CREBBP: variants seen among roughly 807,000 people sequenced by gnomAD.
CREBBP encodes CREB binding lysine acetyltransferase, also known as CREB-binding protein.
Under a neutral mutation model 265.0 loss-of-function variants are expected in CREBBP, and 19 were observed. The observed-to-expected ratio is 0.07, with a 90% CI of 0.05 to 0.11. The LOEUF (loss-of-function observed/expected upper bound fraction) is 0.11. Ranked by LOEUF, CREBBP falls within the 10% of genes least tolerant of loss-of-function variation. The pLI is 1.00. For missense variants in CREBBP, 2,525 were observed against 3,219.0 expected, an observed-to-expected ratio of 0.78 and a Z score of 5.22; for synonymous variants, 1,457 against 1,223.7, an observed-to-expected ratio of 1.19 and a Z score of -3.98.
intron 11 of CREBBP, among the ~76,000 whole-genome samples, chr16:3,775,798 G>C (rs912952791): frequency 2.0e-5 from 3 of 152,202 alleles, no homozygotes; most frequent in African/African-American, 2.4e-5. Context: ...CTGGTAAACA[G>C]CAGGGGCATC....
chr16:3,761,775 A>G (rs2151390998), intron 16 of CREBBP, among the ~76,000 whole-genome samples: 1 of 152,344 alleles, frequency 6.6e-6, no homozygotes, highest in Middle Eastern at 3.4e-3. Context: ...GGAAACACAC[A>G]GCCTTGCTTC....
chr16:3,767,360 C>T (rs1323346722), intron 16 of CREBBP: 3 of 296,604 alleles, frequency 1.0e-5, no homozygotes, highest in Non-Finnish European at 1.9e-5. Flanking sequence ...TATTCTCCTA[C>T]TCACATACAT....
chr16:3,761,471 AG>A (rs1431794050), intron 16 of CREBBP: 2 of 501,848 alleles, frequency 4.0e-6, no homozygotes, highest in Non-Finnish European at 7.9e-6. Flanking sequence ...AAAAGTTGGA[AG>A]GAAAAACCCA....
chr16:3,785,602 A>T (rs1019136568), intron 5 of CREBBP, among the ~76,000 whole-genome samples: 4 of 152,208 alleles, frequency 2.6e-5, no homozygotes. Context: ...CGGCCAGCAC[A>T]TCGTGGGCCC....
chr16:3,768,093 T>G (rs1045225457), intron 15 of CREBBP, among the ~76,000 whole-genome samples, 184 bp from the exon 16 acceptor site: 8 of 149,726 alleles, frequency 5.3e-5, no homozygotes, highest in African/African-American at 2.0e-4. Context: ...ATTAAGTCGC[T>G]TCAGCACAGA....
At chr16:3,751,656 T>C (rs1239233298) in intron 20 of CREBBP, 70 bp downstream of exon 20, 12 of 1,460,156 alleles carry the variant, frequency 8.2e-6, no homozygotes, top group Admixed American at 3.3e-5. Flanking sequence ...CTTATAGTCA[T>C]TGGTAAGAGG....
chr16:3,808,739 G>C (rs1002247368), intron 3 of CREBBP, among the ~76,000 whole-genome samples: 4 of 152,190 alleles, frequency 2.6e-5, no homozygotes, highest in Admixed American at 2.0e-4. Flanking sequence ...GTTAGGTCAG[G>C]GTTTCCCTGA....
At chr16:3,843,326 T>C (rs1247376993) in intron 2 of CREBBP, among the ~76,000 whole-genome samples, 2 of 152,026 alleles carry the variant, frequency 1.3e-5, no homozygotes, top group Admixed American at 6.6e-5. Context: ...TCAAAGCAAA[T>C]TTAGACTTTA....
At chr16:3,771,618 A>G (rs2053011077) in intron 13 of CREBBP, among the ~76,000 whole-genome samples, 1 of 151,938 alleles carries the variant, frequency 6.6e-6, no homozygotes, top group Non-Finnish European at 1.5e-5. Context: ...TGCGGATAGT[A>G]CTGAACCCAA....
In CREBBP at chr16:3,778,033, C is replaced by T. The variant is rs2053186548; in HGVS notation, c.2091G>A (p.Gln697=). The change falls in exon 10 of 31, where the codon CAG becomes CAA. Residue 697 remains glutamine, a synonymous_variant. Transcript: ENST00000262367. ...TACTTGGAGGTCTCACAGGTTGTGC[C>T]TGTGGAATCACAGGGGGCTGAGCCC... ...APGAQPPVIP[Q]AQPVRPPNGP... is the part of the protein sequence containing the mutation. The T allele has an allele frequency of 6.2e-7, 1 of 1,614,202 alleles. No homozygotes were observed. Among genetic ancestry groups the T allele is most frequent in the Non-Finnish European group, 8.5e-7 (1 of 1,179,996 alleles).
chr16:3,875,635 T>C (rs774024886), intron 1 of CREBBP, among the ~76,000 whole-genome samples: 4 of 152,166 alleles, frequency 2.6e-5, no homozygotes, highest in Non-Finnish European at 4.4e-5. Flanking sequence ...GGTTCCTGGG[T>C]CGATTCAAGT....
intron 2 of CREBBP, among the ~76,000 whole-genome samples, chr16:3,844,966 A>C (rs2054635829): frequency 1.3e-5 from 2 of 152,228 alleles, no homozygotes; most frequent in South Asian, 4.1e-4. Flanking sequence ...TTATATGTAT[A>C]AGAAGACTCA....
At position 3,728,322 on chromosome 16, in the gene CREBBP, G is replaced by A. The variant is rs146514877; in HGVS notation, c.6725C>T (p.Pro2242Leu). ...QQPQGPGGYP[P>L]AMQQQQRMQQ... ...CATGCGCTGCTGCTGCTGCATGGCC[G>A]GTGGGTAGCCTCCGGGTCCTTGAGG... Residue 2242 changes from proline to leucine, a missense_variant, in exon 31 of 31, where the codon CCG (proline) becomes CTG (leucine). Physicochemically the swap from Pro to Leu is moderately conservative, Grantham distance 98. Transcript: ENST00000262367. This position sits in a 1 kb window ranked among gnomAD's most constrained non-coding sequence, Gnocchi z 8.7. 3.7e-6 allele frequency: 6 copies of A among 1,612,270 alleles called. No individual in the cohort carries two copies. In the African/African-American group the frequency reaches 4.0e-5, roughly 11 times the overall value.
At chr16:3,847,229 A>G (rs1028236528) in intron 2 of CREBBP, among the ~76,000 whole-genome samples, 1 of 152,198 alleles carries the variant, frequency 6.6e-6, no homozygotes, top group Admixed American at 6.5e-5. Flanking sequence ...GTCTGGTTTC[A>G]TTATGTATTT....
chr16:3,781,417 A>AT, intron 6 of CREBBP, 111 bp from the exon 7 acceptor site: 1 of 874,508 alleles, frequency 1.1e-6, no homozygotes, highest in Admixed American at 2.0e-5. Flanking sequence ...GGTTATTTAA[A>AT]TAAGTGATTC....
intron 3 of CREBBP, among the ~76,000 whole-genome samples, chr16:3,799,380 A>G (rs1040845693): frequency 1.3e-5 from 2 of 152,252 alleles, no homozygotes; most frequent in Non-Finnish European, 2.9e-5. Context: ...AAATAAAACA[A>G]TGAGGCATGT....
chr16:3,778,845 ACTTTTTTTTTTCTT>A, intron 8 of CREBBP, 28 bp from the exon 9 acceptor site: 2 of 1,589,490 alleles, frequency 1.3e-6, no homozygotes, highest in African/African-American at 1.3e-5. Context: ...CTATCAAACT[ACTTTTTTTTTTCTT>A]CTTTTTTTTA....
chr16:3,791,850 G>T, intron 5 of CREBBP, 131 bp downstream of exon 5: 1 of 805,558 alleles, frequency 1.2e-6, no homozygotes, highest in Non-Finnish European at 2.1e-6. Flanking sequence ...ACCTTGGGCT[G>T]CTGTCCGCCC....
rs542885798 is a variant in CREBBP, at chr16:3,852,342, G to A, written c.86-1333C>T. Among the ~76,000 whole-genome samples, 53 of 150,646 alleles carry A rather than the reference G, an allele frequency of 3.5e-4. 1 individual carries two copies. Among genetic ancestry groups the A allele is most frequent in the African/African-American group, 1.2e-3 (51 of 41,140 alleles). ...CACCACCATGCCCGGCTAATTTTTT[G>A]TATTTTTAGTAGAGACGGGGTTTCA... is the stretch of plus-strand genomic sequence containing the variant. On this transcript the variant is annotated intron_variant, in intron 1 of 30. Coordinates refer to ENST00000262367, the MANE Select transcript of CREBBP (RefSeq NM_004380.3).
Sources: allele counts gnomAD v4.1 joint callset (sites outside exome capture counted in the v4.1 genomes callset), GRCh38; gene constraint gnomAD v4.1.1; non-coding constraint Gnocchi (gnomAD v3.1); transcripts MANE v1.5; gene names NCBI Gene and HGNC (gene_info 2026-07-23, HGNC 2026-07-21).